The following C2orf49 variants were observed in gnomAD, a reference collection of about 807,000 sequenced individuals.
C2orf49 encodes tRNA splicing ligase complex subunit 2.
In C2orf49, 11 loss-of-function variants were observed where a neutral mutation model predicts 20.6. The observed-to-expected ratio is 0.53, with a 90% CI of 0.34 to 0.88. The LOEUF is 0.88. C2orf49 is among the 40% of genes least tolerant of loss of function. The pLI is 0.02. For synonymous variants in C2orf49, 134 were observed against 108.5 expected (o/e 1.24, Z -1.46); for missense variants, 289 against 274.2 (o/e 1.05, Z -0.38).
At chr2:105,376,477 T>C in the C2orf49 span, 1 of 152,224 alleles carries the variant, frequency 6.6e-6, no homozygotes, top group Non-Finnish European at 1.5e-5. Flanking sequence ...AACAAATCAT[T>C]AGAAGCCCTA....
At chr2:105,338,357 C>T (rs560003085) in intron 1 of C2orf49, among the ~76,000 whole-genome samples, 1 of 151,936 alleles carries the variant, frequency 6.6e-6, no homozygotes, top group African/African-American at 2.4e-5. Context: ...AGTACCCTAT[C>T]TTTGTTGAAT....
chr2:105,361,318 C>T, the C2orf49 span: 10 of 1,614,070 alleles, frequency 6.2e-6, no homozygotes, highest in East Asian at 4.5e-5. Context: ...CACAGGATGT[C>T]GTCCCTCTCT....
At chr2:105,370,394 TGAG>T in the C2orf49 span, among the ~76,000 whole-genome samples, 36 of 148,300 alleles carry the variant, frequency 2.4e-4, no homozygotes, top group African/African-American at 8.9e-4. Context: ...AAAAGTCAAA[TGAG>T]GAGCCAGAAA....
chr2:105,378,349 T>G, the C2orf49 span: 3 of 376,004 alleles, frequency 8.0e-6, no homozygotes, highest in African/African-American at 2.1e-5. Context: ...GCGCAGCCTG[T>G]CCCCCCACAC....
chr2:105,343,337 A>T, intron 3 of C2orf49, 114 bp downstream of exon 3: 1 of 997,988 alleles, frequency 1.0e-6, no homozygotes, highest in South Asian at 1.9e-5. Context: ...AACCCTTTTG[A>T]TGGTCTGTCT....
the C2orf49 span, among the ~76,000 whole-genome samples, chr2:105,365,693 T>C: frequency 1.5e-5 from 2 of 135,104 alleles, no homozygotes; most frequent in African/African-American, 2.8e-5. Context: ...AAAAAAAAAA[T>C]TAGGTGGGTT....
chr2:105,379,019 C>T, the C2orf49 span, among the ~76,000 whole-genome samples: 1 of 152,118 alleles, frequency 6.6e-6, no homozygotes, highest in Non-Finnish European at 1.5e-5. Flanking sequence ...GTGGGTCAAG[C>T]GCCCGCCCCT....
the C2orf49 span, among the ~76,000 whole-genome samples, chr2:105,373,368 G>A: frequency 1.2e-4 from 18 of 152,298 alleles, no homozygotes; most frequent in African/African-American, 4.1e-4. Flanking sequence ...AAAAGATCCC[G>A]TTACTGCCCA....
chr2:105,383,474 T>C, the C2orf49 span, among the ~76,000 whole-genome samples: 1 of 152,240 alleles, frequency 6.6e-6, no homozygotes, highest in Non-Finnish European at 1.5e-5. Flanking sequence ...ATAGAGAGGA[T>C]GTTCAAACTA....
chr2:105,350,894 A>AT (rs1485701279), downstream of C2orf49, among the ~76,000 whole-genome samples: 3 of 151,898 alleles, frequency 2.0e-5, no homozygotes, highest in Non-Finnish European at 4.4e-5. Flanking sequence ...AAAGTTCTTA[A>AT]TTTTTTTCGA....
chr2:105,342,888 G>C lies in C2orf49; in HGVS notation c.307G>C (p.Val103Leu). Residue 103 changes from valine (V) to leucine (L), a missense_variant, in exon 3 of 4, where the codon GTA becomes CTA. Physicochemically the swap from Val to Leu is conservative, Grantham distance 32 (BLOSUM62 1). Transcript: ENST00000258457. ...TGGGTTAAGGAAAAGACCCCTCATC[G>C]TATTTGATGGAAGTTCAACAAGTAC... ...VDGLRKRPLI[V>L]FDGSSTSTSI... The C allele has an allele frequency of 6.2e-7, 1 of 1,614,134 alleles. No homozygotes were observed. The highest frequency in any genetic ancestry group is 8.5e-7 in the Non-Finnish European group (1 of 1,179,994).
At chr2:105,353,860 T>C (rs997672530), downstream of C2orf49, among the ~76,000 whole-genome samples, 1 of 152,258 alleles carries the variant, frequency 6.6e-6, no homozygotes, top group Non-Finnish European at 1.5e-5. Context: ...GTTTCTAAAG[T>C]AATATGATTA....
downstream of C2orf49, among the ~76,000 whole-genome samples, chr2:105,351,311 G>A (rs1195131697): frequency 1.1e-3 from 57 of 50,422 alleles, no homozygotes; most frequent in African/African-American, 4.3e-3. Context: ...TTTGCCCACC[G>A]CGCCCCCCCC....
chr2:105,351,667 C>G (rs987437138), downstream of C2orf49, among the ~76,000 whole-genome samples: 3 of 147,688 alleles, frequency 2.0e-5, no homozygotes, highest in Admixed American at 6.7e-5. Context: ...TTGAACACAT[C>G]CTTTCTGGTA....
At chr2:105,367,180 C>T in the C2orf49 span, among the ~76,000 whole-genome samples, 1 of 152,324 alleles carries the variant, frequency 6.6e-6, no homozygotes, top group African/African-American at 2.4e-5. Flanking sequence ...TCCTCTCCTC[C>T]CTCTTCCTTC....
In C2orf49 at chr2:105,339,656, T is replaced by C. The variant is rs1679613158; in HGVS notation, c.173T>C (p.Ile58Thr). 1.2e-6 allele frequency: 2 copies of C among 1,609,808 alleles called. No individual in the cohort carries two copies. The highest frequency in any genetic ancestry group is 1.7e-6 in the Non-Finnish European group (2 of 1,179,238). Residue 58 changes from isoleucine (I) to threonine (T), a missense_variant, in exon 2 of 4, where the codon ATA (isoleucine) becomes ACA (threonine). Ile to Thr is a moderately conservative substitution (Grantham distance 89). Coordinates refer to ENST00000258457, the MANE Select transcript of C2orf49 (RefSeq NM_024093.3). ...ACTGACCTTTATGTCCAACATGCAA[T>C]ACCATTGCCTCAGAGGGATTTGCCG... ...SLTDLYVQHA[I>T]PLPQRDLPKN...
chr2:105,365,850 G>GA, the C2orf49 span, among the ~76,000 whole-genome samples: 7 of 151,028 alleles, frequency 4.6e-5, no homozygotes, highest in African/African-American at 4.9e-5. Context: ...CTCAAAAAAA[G>GA]AAAAAAACAG....
At chr2:105,343,695 G>A (rs774877795) in intron 3 of C2orf49, among the ~76,000 whole-genome samples, 5 of 152,010 alleles carry the variant, frequency 3.3e-5, no homozygotes, top group Non-Finnish European at 7.4e-5. Flanking sequence ...CACTTGCCTC[G>A]CCTACTGCTC....
chr2:105,348,859 T>C lies in C2orf49; in HGVS notation c.*3488T>C, dbSNP rs1006151303. ...AGTGAACAATTTTGGAAAGTATTCT[T>C]TATAGTACAACTTTCTATACCTGGA... On this transcript the variant is annotated 3_prime_UTR_variant, in exon 4 of 4. Transcript: ENST00000258457. 2 of 152,188 alleles carry C rather than the reference T, an allele frequency of 1.3e-5. No homozygotes were observed. Among genetic ancestry groups the C allele is most frequent in the Non-Finnish European group, 2.9e-5 (2 of 68,026 alleles). 9.4% of individuals were successfully genotyped at this position (152,188 alleles called of 1,614,324 possible).
Sources: gnomAD v4.1 joint callset for allele counts (sites outside exome capture counted in the v4.1 genomes callset) on GRCh38, gnomAD v4.1.1 for gene constraint, MANE v1.5 for transcripts, NCBI Gene and HGNC (gene_info 2026-07-23, HGNC 2026-07-21) for gene names.